The following PRKCA variants were observed in gnomAD, a reference collection of about 807,000 sequenced individuals.
PRKCA encodes the protein protein kinase C alpha, also known as protein kinase C alpha type.
In PRKCA, 27 loss-of-function variants were observed where a neutral mutation model predicts 87.0. That is an observed-to-expected ratio of 0.31 (90% confidence interval 0.23 to 0.43). The LOEUF (loss-of-function observed/expected upper bound fraction) is 0.43. PRKCA is among the 20% of genes least tolerant of loss of function. The pLI is 1.00. For missense variants in PRKCA, 518 were observed against 852.3 expected, an observed-to-expected ratio of 0.61 and a Z score of 4.88; for synonymous variants, 329 against 311.1, an observed-to-expected ratio of 1.06 and a Z score of -0.61.
chr17:66,507,352 G>C (rs1266348998), intron 3 of PRKCA, among the ~76,000 whole-genome samples: 1 of 152,128 alleles, frequency 6.6e-6, no homozygotes, highest in Non-Finnish European at 1.5e-5. Flanking sequence ...CTTTGAACTG[G>C]ACCTCTCAAC....
chr17:66,723,226 T>C (rs1380083732), intron 8 of PRKCA, among the ~76,000 whole-genome samples: 3 of 152,216 alleles, frequency 2.0e-5, no homozygotes, highest in South Asian at 4.1e-4. Flanking sequence ...CAGTTGCTCA[T>C]TGAATCCCAG....
chr17:66,457,010 G>A (rs1338433830), intron 2 of PRKCA, among the ~76,000 whole-genome samples: 1 of 152,206 alleles, frequency 6.6e-6, no homozygotes, highest in Non-Finnish European at 1.5e-5. Context: ...AGAGGTTCAT[G>A]TAAACCTTTT....
intron 3 of PRKCA, among the ~76,000 whole-genome samples, chr17:66,560,437 T>C (rs61195376): frequency 0.13 from 19,510 of 152,182 alleles, 1,318 homozygotes; most frequent in Middle Eastern, 0.21. Context: ...TTTGAGCCCA[T>C]TGTCAGTGTA....
Position 66,348,339 on chromosome 17 carries a change from A to G in PRKCA, c.205+42212A>G, listed in dbSNP as rs568965709. ...CCTGGGATTTCATGGTGGGAAGAAC[A>G]TAATTCCTGCTAGTACCGCCTGGCA... is the stretch of plus-strand genomic sequence containing the variant. On this transcript the variant is annotated intron_variant, in intron 2 of 16. Coordinates refer to ENST00000413366, the MANE Select transcript of PRKCA (RefSeq NM_002737.3). Among the ~76,000 whole-genome samples the G allele has an allele frequency of 9.2e-5, 14 of 152,342 alleles. 1 individual carries two copies. The highest frequency in any genetic ancestry group is 3.4e-4 in the African/African-American group (14 of 41,584).
intron 5 of PRKCA, among the ~76,000 whole-genome samples, chr17:66,652,223 T>C (rs534043424): frequency 6.6e-6 from 1 of 152,316 alleles, no homozygotes; most frequent in East Asian, 1.9e-4. Flanking sequence ...CCTCCCAAAG[T>C]GTTGGGATTA....
intron 8 of PRKCA, among the ~76,000 whole-genome samples, chr17:66,690,076 G>A (rs561297197): frequency 6.6e-6 from 1 of 152,000 alleles, no homozygotes; most frequent in Non-Finnish European, 1.5e-5. Flanking sequence ...GTGGTCTTGG[G>A]GGGATAATAA....
intron 8 of PRKCA, among the ~76,000 whole-genome samples, chr17:66,724,162 G>A (rs549808752): frequency 1.3e-5 from 2 of 152,246 alleles, no homozygotes; most frequent in South Asian, 2.1e-4. Flanking sequence ...TGATGCTGCT[G>A]GTCCTAGGAC....
At chr17:66,455,826 A>T (rs1174562572) in intron 2 of PRKCA, among the ~76,000 whole-genome samples, 1 of 152,066 alleles carries the variant, frequency 6.6e-6, no homozygotes, top group African/African-American at 2.4e-5. Context: ...GCCTAGCTAC[A>T]CTCATTTATT....
intron 14 of PRKCA, chr17:66,774,704 C>T (rs17643302): frequency 0.095 from 93,815 of 985,558 alleles, 4,683 homozygotes; most frequent in African/African-American, 0.13. Context: ...TATATGGTTC[C>T]CTGCAAGTTT....
rs1215982948 is a variant in PRKCA, at chr17:66,729,131, A to G, written c.919-3557A>G. ...ATTCTTTTAAATTTAGACACAACCA[A>G]TTGGGTGCGGTGGCTCACACCTGTA... On this transcript the variant is annotated intron_variant, in intron 8 of 16. Transcript: ENST00000413366. Among the ~76,000 whole-genome samples the G allele has an allele frequency of 3.3e-5, 5 of 152,234 alleles. No homozygotes were observed. In the South Asian group the frequency reaches 8.3e-4, roughly 25 times the overall value.
intron 5 of PRKCA, among the ~76,000 whole-genome samples, chr17:66,645,852 G>A (rs1323337664): frequency 6.6e-6 from 1 of 152,190 alleles, no homozygotes; most frequent in Non-Finnish European, 1.5e-5. Flanking sequence ...GCTGTTGGAG[G>A]GAATGGAACT....
At chr17:66,500,361 G>A (rs565424834) in intron 3 of PRKCA, among the ~76,000 whole-genome samples, 2 of 152,218 alleles carry the variant, frequency 1.3e-5, no homozygotes, top group South Asian at 2.1e-4. Context: ...AAGGTACAAG[G>A]TGGCCAAACT....
rs1971906151 is a variant in PRKCA at position 66,661,617 on chromosome 17, A to G, written c.529+16106A>G. On this transcript the variant is annotated intron_variant, in intron 5 of 16. Transcript: ENST00000413366. ...CTCCAAAAACAGCCAAGGGTAAAGA[A>G]AAAAACTTGATTGAGTGACATTTGT... Among the ~76,000 whole-genome samples, 6 of 152,338 alleles carry G rather than the reference A, an allele frequency of 3.9e-5. No homozygotes were observed. In the South Asian group the frequency reaches 1.2e-3, roughly 32 times the overall value.
intron 2 of PRKCA, among the ~76,000 whole-genome samples, chr17:66,324,327 A>C (rs1012871291): frequency 1.3e-5 from 2 of 151,892 alleles, no homozygotes; most frequent in Non-Finnish European, 2.9e-5. Flanking sequence ...ATAGGCAGGC[A>C]TCAGTGGCTC....
intron 2 of PRKCA, among the ~76,000 whole-genome samples, chr17:66,399,084 T>C (rs890702466): frequency 9.0e-6 from 1 of 111,600 alleles, no homozygotes; most frequent in African/African-American, 3.8e-5. Flanking sequence ...GACAGCATTT[T>C]CTTTTCTTTT....
chr17:66,360,012 G>A (rs1003152613), intron 2 of PRKCA, among the ~76,000 whole-genome samples: 3 of 152,138 alleles, frequency 2.0e-5, no homozygotes, highest in African/African-American at 7.2e-5. Flanking sequence ...AATTATAGCA[G>A]TGATGGTCAG....
intron 2 of PRKCA, among the ~76,000 whole-genome samples, chr17:66,451,747 C>T (rs1162206669): frequency 6.6e-6 from 1 of 152,158 alleles, no homozygotes; most frequent in Non-Finnish European, 1.5e-5. Flanking sequence ...ATCCCTAGGT[C>T]TGCCTTCCTG....
chr17:66,584,527 A>G (rs1340647209), intron 3 of PRKCA, among the ~76,000 whole-genome samples: 8 of 152,108 alleles, frequency 5.3e-5, no homozygotes, highest in Non-Finnish European at 1.0e-4. Context: ...TGCCCGGCCA[A>G]TCTGGTAGTT....
At chr17:66,368,631 A>G (rs1363136981) in intron 2 of PRKCA, among the ~76,000 whole-genome samples, 1 of 151,582 alleles carries the variant, frequency 6.6e-6, no homozygotes, top group East Asian at 1.9e-4. Flanking sequence ...AGCTCAAGTA[A>G]TCTGCCCACC....
Sources: allele counts gnomAD v4.1 joint callset (sites outside exome capture counted in the v4.1 genomes callset), GRCh38; gene constraint gnomAD v4.1.1; transcripts MANE v1.5; gene names NCBI Gene and HGNC (gene_info 2026-07-23, HGNC 2026-07-21).